GMEB1: variants seen among roughly 807,000 people sequenced by gnomAD.
GMEB1 encodes the protein glucocorticoid modulatory element-binding protein 1.
GMEB1 carries 6 observed loss-of-function variants against 52.4 expected under a neutral mutation model. The observed-to-expected ratio is 0.11, with a 90% CI of 0.06 to 0.23. The LOEUF (loss-of-function observed/expected upper bound fraction) is 0.23, where lower values mean the gene tolerates loss of function less well. Among genes scored for constraint, GMEB1 ranks in the 10% least tolerant of loss-of-function variants. The pLI, the probability that GMEB1 is intolerant of heterozygous loss-of-function variation, is 1.00. For missense variants in GMEB1, 486 were observed against 685.6 expected (o/e 0.71, Z 3.25); for synonymous variants, 255 against 244.9 (o/e 1.04, Z -0.38).
rs1670643897 is a variant in GMEB1 at position 28,704,227 on chromosome 1, G to A, written c.766G>A (p.Val256Ile). Reference protein sequence around the residue: ...TLMFWKGIADVGLMEEVVCNI... With the variant: ...TLMFWKGIADIGLMEEVVCNI... Reference sequence around the variant, plus strand: ...GATGTTCTGGAAAGGAATAGCTGATGTAGGGCTGATGGAAGAGGTTGTCTG... The same window carrying A: ...GATGTTCTGGAAAGGAATAGCTGATATAGGGCTGATGGAAGAGGTTGTCTG... Residue 256 changes from valine (V) to isoleucine (I), a missense_variant, in exon 8 of 10, where the codon GTA (valine) becomes ATA (isoleucine). Physicochemically the swap from Val to Ile is conservative, Grantham distance 29. Around this residue, in one of 5 missense-constraint regions of GMEB1, gnomAD observed 200 missense variants for 253.5 expected, o/e 0.79. Transcript: ENST00000373816. 6.2e-7 allele frequency: 1 copy of A among 1,613,672 alleles called. No individual in the cohort carries two copies. The highest frequency in any genetic ancestry group is 8.5e-7 in the Non-Finnish European group (1 of 1,179,806).
intron 2 of GMEB1, among the ~76,000 whole-genome samples, chr1:28,686,334 G>A (rs905762557): frequency 1.3e-5 from 2 of 151,618 alleles, no homozygotes; most frequent in African/African-American, 4.8e-5. Flanking sequence ...GAGTAAGACC[G>A]TGTGTCAAAA....
chr1:28,707,107 C>T (rs1314855896), intron 8 of GMEB1, among the ~76,000 whole-genome samples: 3 of 151,332 alleles, frequency 2.0e-5, no homozygotes, highest in Non-Finnish European at 2.9e-5. Flanking sequence ...CACAGCCTCC[C>T]GAGTAGCTGG....
intron 1 of GMEB1, among the ~76,000 whole-genome samples, chr1:28,673,917 G>T (rs1244873286): frequency 3.3e-5 from 5 of 152,026 alleles, no homozygotes; most frequent in African/African-American, 1.2e-4. Context: ...GGAGGCCGTG[G>T]TGGGTGGATC....
At chr1:28,690,449 T>C (rs982789556) in intron 3 of GMEB1, among the ~76,000 whole-genome samples, 2 of 152,068 alleles carry the variant, frequency 1.3e-5, no homozygotes, top group Non-Finnish European at 2.9e-5. Context: ...AAAAATCCCA[T>C]ATAGAAATTG....
intron 2 of GMEB1, among the ~76,000 whole-genome samples, chr1:28,687,978 G>A (rs1049892196): frequency 1.3e-5 from 2 of 152,132 alleles, no homozygotes; most frequent in Non-Finnish European, 2.9e-5. Flanking sequence ...ACAAAGTCCT[G>A]TGGGACTTCC....
intron 7 of GMEB1, 91 bp downstream of exon 7, chr1:28,702,660 TC>T: frequency 1.7e-6 from 2 of 1,194,034 alleles, no homozygotes; most frequent in Non-Finnish European, 2.4e-6. Context: ...TTAATTACTT[TC>T]GCTGGATTTT....
chr1:28,686,005 A>T (rs1669623598), intron 2 of GMEB1, among the ~76,000 whole-genome samples: 1 of 152,010 alleles, frequency 6.6e-6, no homozygotes, highest in Non-Finnish European at 1.5e-5. Flanking sequence ...AAAAATATAG[A>T]CTACCTCCTA....
chr1:28,704,083 A>T, intron 7 of GMEB1, 109 bp from the exon 8 acceptor site: 1 of 1,059,688 alleles, frequency 9.4e-7, no homozygotes, highest in Non-Finnish European at 1.3e-6. Context: ...ATGGCCCAAT[A>T]AGAAATCATT....
chr1:28,697,454 C>G (rs1457560909), intron 6 of GMEB1, among the ~76,000 whole-genome samples: 2 of 151,922 alleles, frequency 1.3e-5, no homozygotes, highest in Non-Finnish European at 2.9e-5. Context: ...GTGATCCGCC[C>G]ACCTCGGCCT....
intron 8 of GMEB1, among the ~76,000 whole-genome samples, chr1:28,707,737 A>G (rs1192905955): frequency 2.0e-5 from 3 of 152,154 alleles, no homozygotes; most frequent in Non-Finnish European, 4.4e-5. Context: ...AGATAGAAGT[A>G]TGAATGTGGA....
chr1:28,690,269 T>C (rs947868343), intron 3 of GMEB1, 83 bp downstream of exon 3: 1 of 666,400 alleles, frequency 1.5e-6, no homozygotes, highest in Non-Finnish European at 2.5e-6. Context: ...TTGAGTTTTC[T>C]TGCCATCTGT....
At position 28,692,918 on chromosome 1, in the gene GMEB1, T is replaced by G. The variant is rs763346584; in HGVS notation, c.337-24T>G. 3.6e-6 allele frequency: 5 copies of G among 1,388,362 alleles called. No individual in the cohort carries two copies. In the African/African-American group the frequency reaches 7.2e-5, roughly 20 times the overall value. 86.0% of individuals were successfully genotyped at this position (1,388,362 alleles called of 1,614,324 possible). ...CCTGCCTAAGTTGACATTAGACTCT[T>G]TGGACTTTTCTTTTTACTTTTAGTT... On this transcript the variant is annotated intron_variant, in intron 4 of 9. Coordinates refer to ENST00000373816, the MANE Select transcript of GMEB1 (RefSeq NM_001319674.2).
intron 7 of GMEB1, among the ~76,000 whole-genome samples, chr1:28,703,320 A>T (rs951871747): frequency 7.3e-5 from 11 of 151,360 alleles, no homozygotes; most frequent in African/African-American, 2.7e-4. Flanking sequence ...ATAGGTATTT[A>T]TTATTGCCTA....
chr1:28,674,758 G>T (rs1221208458), intron 1 of GMEB1, among the ~76,000 whole-genome samples: 14 of 102,442 alleles, frequency 1.4e-4, no homozygotes, highest in African/African-American at 4.3e-4. Context: ...TCGCTCTGTC[G>T]CCCAGGCTGG....
chr1:28,673,925 A>G (rs1669016833), intron 1 of GMEB1, among the ~76,000 whole-genome samples: 1 of 151,988 alleles, frequency 6.6e-6, no homozygotes, highest in African/African-American at 2.4e-5. Flanking sequence ...TGGTGGGTGG[A>G]TCACGAGGTC....
intron 4 of GMEB1, 94 bp downstream of exon 4, chr1:28,691,803 G>GTTTT (rs1365105797): frequency 3.4e-5 from 12 of 353,032 alleles, no homozygotes; most frequent in East Asian, 1.0e-4. Flanking sequence ...CACTATATCA[G>GTTTT]TTTTATTTAT....
At chr1:28,693,311 C>T (rs529710467) in intron 5 of GMEB1, among the ~76,000 whole-genome samples, 2 of 151,686 alleles carry the variant, frequency 1.3e-5, no homozygotes, top group South Asian at 2.1e-4. Flanking sequence ...CTCCGCCTCC[C>T]GGGTTCAAGC....
intron 1 of GMEB1, among the ~76,000 whole-genome samples, chr1:28,672,786 C>T (rs866399311): frequency 7.1e-6 from 1 of 140,340 alleles, no homozygotes. Context: ...TGTTGCCAGG[C>T]TGGAGTGCAG....
chr1:28,695,974 AT>A lies in GMEB1; in HGVS notation c.441-949del, dbSNP rs71027287. Among the ~76,000 whole-genome samples the A allele has an allele frequency of 1.2e-3, 138 of 117,788 alleles. 7 individuals carry two copies. The highest frequency in any genetic ancestry group is 4.6e-3 in the Middle Eastern group (1 of 216). 77.3% of individuals were successfully genotyped at this position (117,788 alleles called of 152,430 possible). ...AAAAAAAAAAAAAAAAAAAAAAAAA[AT>A]TTTCAGATGATTTGTATGCAGAAAT... On this transcript the variant is annotated intron_variant, in intron 5 of 9. Transcript: ENST00000373816.
Sources: allele counts gnomAD v4.1 joint callset (sites outside exome capture counted in the v4.1 genomes callset), GRCh38; gene constraint gnomAD v4.1.1; regional missense constraint gnomAD v4.1.1; transcripts MANE v1.5; gene names NCBI Gene and HGNC (gene_info 2026-07-23, HGNC 2026-07-21).